Variants in DGKQ observed in about 807,000 individuals in gnomAD.
The protein encoded by DGKQ is diacylglycerol kinase theta.
In DGKQ, 97 loss-of-function variants were observed where a neutral mutation model predicts 104.2. The observed-to-expected ratio is 0.93, with a 90% CI of 0.79 to 1.10. The LOEUF is 1.10. DGKQ is among the 50% of genes least tolerant of loss of function. The pLI is 0.00. For missense variants in DGKQ, 1,465 were observed against 1,352.1 expected (o/e 1.08, Z -1.31); for synonymous variants, 736 against 595.2 (o/e 1.24, Z -3.44).
chr4:966,657 G>A (rs888171983), intron 11 of DGKQ, 91 bp downstream of exon 11: 8 of 1,510,106 alleles, frequency 5.3e-6, no homozygotes, highest in Non-Finnish European at 6.3e-6. Context: ...CGGCCTTGAT[G>A]TCCGGCACCA....
rs1712938551 is a variant in DGKQ, at chr4:971,601, A to G, written c.272-529T>C. On this transcript the variant is annotated intron_variant, in intron 1 of 22. Transcript: ENST00000273814. The surrounding 1 kb of genome is among the most constrained non-coding windows in gnomAD (Gnocchi z 4.0). ...AGCCGCTGGGGAGTGGACAGCCCCA[A>G]GCCTCCCAAGGAGCTCTGGCTGTGT... 6.6e-6 allele frequency among the ~76,000 whole-genome samples: 1 copy of G among 152,116 alleles called. No homozygotes were observed. Among genetic ancestry groups the G allele is most frequent in the South Asian group, 2.1e-4 (1 of 4,828 alleles).
In DGKQ at chr4:968,346, C is replaced by A; in HGVS notation, c.599G>T (p.Cys200Phe). The change falls in exon 5 of 23, where the codon TGC becomes TTC. Residue 200 changes from cysteine to phenylalanine, a missense_variant. Transcript: ENST00000273814. Reference protein sequence around the residue: ...NLPSGARCEVCRKTCGSSDVL... With the variant: ...NLPSGARCEVFRKTCGSSDVL... ...GTCAGAGGAGCCGCACGTCTTCCTGCAGACCTCGCAGCGCGCTCCCGAGGG... is the reference window on the plus strand; with the variant it reads ...GTCAGAGGAGCCGCACGTCTTCCTGAAGACCTCGCAGCGCGCTCCCGAGGG... 1 of 1,543,138 alleles carries A rather than the reference C, an allele frequency of 6.5e-7. No individual in the cohort carries two copies.
intron 2 of DGKQ, among the ~76,000 whole-genome samples, chr4:969,971 C>T (rs1712800501): frequency 6.6e-6 from 1 of 152,234 alleles, no homozygotes; most frequent in Non-Finnish European, 1.5e-5. Context: ...CTTATATTTT[C>T]CCAATTTAGC....
In DGKQ at chr4:967,284, C is replaced by G. The variant is rs1712455139; in HGVS notation, c.1065G>C (p.Gln355His). The G allele has an allele frequency of 2.6e-6, 4 of 1,547,816 alleles. No homozygotes were observed. Among genetic ancestry groups the G allele is most frequent in the South Asian group, 1.2e-5 (1 of 84,758 alleles). ...LELCRLPPSS[Q>H]ACDAWAGGKA... ...TGCCCCCAGCCCAGGCGTCACAGGC[C>G]TGAGAGGAAGGGGGCAGCCGGCACA... is the stretch of plus-strand genomic sequence containing the variant. The change falls in exon 9 of 23, where the codon CAG becomes CAC. Residue 355 changes from glutamine to histidine, a missense_variant. By Grantham distance (24) the Gln-to-His change is conservative. Coordinates refer to ENST00000273814, the MANE Select transcript of DGKQ (RefSeq NM_001347.4).
chr4:967,550 A>G lies in DGKQ; in HGVS notation c.986T>C (p.Leu329Pro), dbSNP rs142211136. 2.4e-5 allele frequency: 38 copies of G among 1,611,998 alleles called. No homozygotes were observed. Among genetic ancestry groups the G allele is most frequent in the Non-Finnish European group, 2.7e-5 (32 of 1,179,592 alleles). ...VSRLAGAEEV[L>P]EAALRAHHIP... ...GACCTCCCCCAGCCTCCCCCTTACCAGCACCTCCTCGGCACCGGCCAGGCG... is the reference window on the plus strand; with the variant it reads ...GACCTCCCCCAGCCTCCCCCTTACCGGCACCTCCTCGGCACCGGCCAGGCG... Residue 329 changes from leucine (L) to proline (P), a missense_variant and splice_region_variant, in exon 8 of 23, where the codon CTG becomes CCG. Physicochemically the swap from Leu to Pro is moderately conservative, Grantham distance 98. Coordinates refer to ENST00000273814, the MANE Select transcript of DGKQ (RefSeq NM_001347.4).
chr4:962,689 A>C (rs909780412), intron 17 of DGKQ, 76 bp from the exon 18 acceptor site: 3 of 1,589,756 alleles, frequency 1.9e-6, no homozygotes, highest in Non-Finnish European at 2.6e-6. Flanking sequence ...CACCACGAGG[A>C]CAGCCAGCCC....
rs746200131 is a variant in DGKQ at position 961,184 on chromosome 4, C to A, written c.2592G>T (p.Gly864=). 7.6e-6 allele frequency: 12 copies of A among 1,580,026 alleles called. No homozygotes were observed. The highest frequency in any genetic ancestry group is 1.0e-5 in the Non-Finnish European group (12 of 1,163,586). ...GGGCAATCCGGATTCCGGAGCGCAGCCCACCCTGGACCTGGCCCTGGGGCG... is the reference window on the plus strand; with the variant it reads ...GGGCAATCCGGATTCCGGAGCGCAGACCACCCTGGACCTGGCCCTGGGGCG... ...GVVHMGQVQG[G]LRSGIRIAQG... The change falls in exon 22 of 23, where the codon GGG becomes GGT. Residue 864 remains glycine (G), a synonymous_variant. Transcript: ENST00000273814.
chr4:960,922 C>T, intron 22 of DGKQ, 127 bp downstream of exon 22: 1 of 1,506,460 alleles, frequency 6.6e-7, no homozygotes, highest in African/African-American at 1.4e-5. Context: ...GAAGCAGGCA[C>T]CCTCCCGGAG....
At chr4:970,625 A>G (rs1577489528) in intron 2 of DGKQ, among the ~76,000 whole-genome samples, 1 of 152,010 alleles carries the variant, frequency 6.6e-6, no homozygotes, top group African/African-American at 2.4e-5. Flanking sequence ...GATCTTGCAA[A>G]CTGAGGTCAC....
At position 967,381 on chromosome 4, in the gene DGKQ, A is replaced by C; in HGVS notation, c.988-20T>G. On this transcript the variant is annotated intron_variant, in intron 8 of 22. Coordinates refer to ENST00000273814, the MANE Select transcript of DGKQ (RefSeq NM_001347.4). ...GGCCTCCTGCAGGGCACCAGGTTAG[A>C]GGGGCCAAGTTGTGGGGGGTCAGGC... The C allele has an allele frequency of 8.6e-7, 1 of 1,156,136 alleles. No homozygotes were observed. Among genetic ancestry groups the C allele is most frequent in the Non-Finnish European group, 1.1e-6 (1 of 898,194 alleles). The allele number at this position is 1,156,136 out of a possible 1,614,324, so 71.6% of individuals were successfully genotyped here. A position where few individuals can be genotyped will look rare whatever the true frequency, so the allele number is the denominator to read the frequency against.
At chr4:965,786 A>T in intron 13 of DGKQ, 142 bp downstream of exon 13, 1 of 1,006,658 alleles carries the variant, frequency 9.9e-7, no homozygotes, top group Non-Finnish European at 1.4e-6. Context: ...AGCCTCTTGG[A>T]GGAAGAGACG....
In DGKQ at chr4:968,659, C is replaced by T. The variant is rs1712668450; in HGVS notation, c.452-95G>A. Reference sequence around the variant, plus strand: ...CTGCCCCATCCCCACCACCTAGCACCCTGCATCCTTTAAGTGTCCTGTGGC... The same window carrying T: ...CTGCCCCATCCCCACCACCTAGCACTCTGCATCCTTTAAGTGTCCTGTGGC... On this transcript the variant is annotated intron_variant, in intron 3 of 22. Transcript: ENST00000273814. 4 of 1,386,782 alleles carry T rather than the reference C, an allele frequency of 2.9e-6. No homozygotes were observed. In the African/African-American group the frequency reaches 4.3e-5, roughly 15 times the overall value. The allele number at this position is 1,386,782 out of a possible 1,614,324, so 85.9% of individuals were successfully genotyped here. A position where few individuals can be genotyped will look rare whatever the true frequency, so the allele number is the denominator to read the frequency against.
At chr4:970,413 C>T (rs756472459) in intron 2 of DGKQ, among the ~76,000 whole-genome samples, 60 of 152,348 alleles carry the variant, frequency 3.9e-4, no homozygotes, top group Non-Finnish European at 6.9e-4. Context: ...GTCCCCTGTG[C>T]CCTGCAGTGA....
At chr4:967,402 CAGGCGGGGTTCAGTGGG>C in intron 8 of DGKQ, 41 bp from the exon 9 acceptor site, 1 of 686,758 alleles carries the variant, frequency 1.5e-6, no homozygotes, top group Non-Finnish European at 2.0e-6. Context: ...TGTGGGGGGT[CAGGCGGGGTTCAGTGGG>C]GGGCAGGTCA....
At position 961,697 on chromosome 4, in the gene DGKQ, T is replaced by C. The variant is rs1560510614; in HGVS notation, c.2453A>G (p.Asn818Ser). 1.2e-6 allele frequency: 2 copies of C among 1,612,598 alleles called. No individual in the cohort carries two copies. The highest frequency in any genetic ancestry group is 1.7e-6 in the Non-Finnish European group (2 of 1,179,910). The change falls in exon 20 of 23, where the codon AAC becomes AGC. Residue 818 changes from asparagine (N) to serine (S), a missense_variant. Physicochemically the swap from Asn to Ser is conservative, Grantham distance 46. Coordinates refer to ENST00000273814, the MANE Select transcript of DGKQ (RefSeq NM_001347.4). ...CCCCGCCCGCGAGCACCTGGGGATG[T>C]TGATGAAGATGAGGCCTTCAATACT... ...LPSIEGLIFI[N>S]IPSWGSGADL...
chr4:962,319 G>T (rs774331967), intron 18 of DGKQ, 116 bp downstream of exon 18: 7 of 1,099,948 alleles, frequency 6.4e-6, no homozygotes, highest in Non-Finnish European at 9.0e-6. Context: ...TTTGCAGAGG[G>T]GATGATGCGG....
At chr4:963,415 GA>G in intron 15 of DGKQ, 125 bp from the exon 16 acceptor site, 1 of 838,068 alleles carries the variant, frequency 1.2e-6, no homozygotes, top group Non-Finnish European at 1.8e-6. Flanking sequence ...CCCTCCCCAG[GA>G]AGGCGTGGCC....
intron 2 of DGKQ, among the ~76,000 whole-genome samples, chr4:969,630 G>C (rs759427197): frequency 5.9e-5 from 8 of 136,708 alleles, no homozygotes; most frequent in Non-Finnish European, 1.1e-4. Flanking sequence ...TTTTTTTTGA[G>C]ATGGAGTCTC....
rs561839080 is a variant in DGKQ at position 966,934 on chromosome 4, C to T, written c.1311+30G>A. 20 of 1,551,092 alleles carry T rather than the reference C, an allele frequency of 1.3e-5. No homozygotes were observed. The East Asian group carries it at 2.9e-4, about 22-fold the overall frequency. On this transcript the variant is annotated intron_variant, in intron 10 of 22. Transcript: ENST00000273814. ...ACAGCGACCCCCCACCGAGTCTGGC[C>T]GGCATGGGGAGCAGGCACAGGGTAC...
Sources: allele counts gnomAD v4.1 joint callset (sites outside exome capture counted in the v4.1 genomes callset), GRCh38; gene constraint gnomAD v4.1.1; non-coding constraint Gnocchi (gnomAD v3.1); transcripts MANE v1.5; gene names NCBI Gene and HGNC (gene_info 2026-07-23, HGNC 2026-07-21).